LTF: variants seen among roughly 807,000 people sequenced by gnomAD.
LTF encodes the protein epididymis luminal protein 110.
In LTF, 91 loss-of-function variants were observed where a neutral mutation model predicts 87.2. The ratio of observed to expected loss-of-function variants is 1.04; its 90% CI spans 0.88 to 1.24. LTF has a LOEUF of 1.24. Ranked by LOEUF, LTF falls within the 50% of genes most tolerant of loss-of-function variation. LTF has a pLI of 0.00. For missense variants in LTF, 901 were observed against 904.3 expected (o/e 1.00, Z 0.05); for synonymous variants, 378 against 356.1 (o/e 1.06, Z -0.69).
intron 1 of LTF, among the ~76,000 whole-genome samples, chr3:46,477,914 G>C (rs1703381863): frequency 6.6e-6 from 1 of 152,152 alleles, no homozygotes; most frequent in South Asian, 2.1e-4. Context: ...CCAACAGAAG[G>C]TGTTAGCAAA....
intron 1 of LTF, among the ~76,000 whole-genome samples, chr3:46,482,889 GAAGAAAGAAA>G (rs1703470822): frequency 6.6e-6 from 1 of 151,970 alleles, no homozygotes; most frequent in South Asian, 2.1e-4. Context: ...AGAAAACAAA[GAAGAAAGAAA>G]AAGAAAGAAA....
chr3:46,467,403 G>T (rs915937248), upstream of LTF, among the ~76,000 whole-genome samples: 1 of 151,980 alleles, frequency 6.6e-6, no homozygotes, highest in Non-Finnish European at 1.5e-5. Context: ...GAGTGTGAGG[G>T]CCCAGAGGAG....
intron 1 of LTF, among the ~76,000 whole-genome samples, chr3:46,476,593 T>A (rs542735035): frequency 6.6e-6 from 1 of 152,328 alleles, no homozygotes; most frequent in African/African-American, 2.4e-5. Flanking sequence ...GCACAAATCA[T>A]ACATGTAGAG....
chr3:46,444,738 G>A (rs143846141), intron 12 of LTF, among the ~76,000 whole-genome samples: 23,721 of 152,212 alleles, frequency 0.16, 2,086 homozygotes, highest in African/African-American at 0.22. Context: ...CATGCCACGG[G>A]GCCCACAGCA....
chr3:46,467,648 T>C (rs1019126060), upstream of LTF, among the ~76,000 whole-genome samples: 4 of 145,072 alleles, frequency 2.8e-5, no homozygotes, highest in South Asian at 2.2e-4. Flanking sequence ...TCTTTTCTTT[T>C]TTTTTTTTTT....
chr3:46,436,392 G>A (rs891281225), intron 16 of LTF, among the ~76,000 whole-genome samples, 163 bp from the exon 17 acceptor site: 1 of 152,188 alleles, frequency 6.6e-6, no homozygotes, highest in Non-Finnish European at 1.5e-5. Flanking sequence ...TACTCCTAGC[G>A]ACTACGGTGT....
chr3:46,438,884 T>G (rs1001740413), intron 15 of LTF, among the ~76,000 whole-genome samples: 51 of 152,168 alleles, frequency 3.4e-4, no homozygotes, highest in Admixed American at 3.3e-3. Context: ...GTTTGCTGTT[T>G]TAGAGGCCTG....
chr3:46,478,178 A>G (rs372377672), intron 1 of LTF, among the ~76,000 whole-genome samples: 2 of 151,864 alleles, frequency 1.3e-5, no homozygotes, highest in Non-Finnish European at 2.9e-5. Context: ...CTCTCTCACC[A>G]TCATGCCCTC....
chr3:46,466,995 C>A (rs909361671), upstream of LTF, among the ~76,000 whole-genome samples: 1 of 152,114 alleles, frequency 6.6e-6, no homozygotes, highest in African/African-American at 2.4e-5. Context: ...GGGCCACTAC[C>A]AAGAGGCTCA....
At chr3:46,469,487 A>G (rs1191585578), upstream of LTF, 1 of 152,322 alleles carries the variant, frequency 6.6e-6, no homozygotes, top group East Asian at 1.9e-4. Flanking sequence ...CACCCTGTTC[A>G]TGGTCTCACA....
intron 6 of LTF, 23 bp from the exon 7 acceptor site, chr3:46,450,696 G>A (rs918875926): frequency 2.5e-6 from 4 of 1,599,620 alleles, no homozygotes; most frequent in Non-Finnish European, 3.4e-6. Flanking sequence ...TGAGGTGGGA[G>A]GGAGTCTAGA....
At chr3:46,482,759 G>GAA (rs1553668671) in intron 1 of LTF, among the ~76,000 whole-genome samples, 2 of 122,704 alleles carry the variant, frequency 1.6e-5, no homozygotes, top group Non-Finnish European at 3.5e-5. Context: ...AAGAAGGAAA[G>GAA]AGAAAGAAAG....
intron 5 of LTF, 55 bp downstream of exon 5, chr3:46,455,240 G>T (rs1000449134): frequency 1.2e-6 from 2 of 1,610,780 alleles, no homozygotes; most frequent in East Asian, 4.5e-5. Context: ...AAGGCCTCCC[G>T]GCCTGAGGCC....
Position 46,440,809 on chromosome 3 carries a change from G to A in LTF, c.1723+607C>T, listed in dbSNP as rs1702498147. ...GACTTGGGGGTTGGAATGCTGAAGTGGGGCTAAGGAGACAGATGCAGATTG... is the reference window on the plus strand; with the variant it reads ...GACTTGGGGGTTGGAATGCTGAAGTAGGGCTAAGGAGACAGATGCAGATTG... On this transcript the variant is annotated intron_variant, in intron 14 of 16. Coordinates refer to ENST00000231751, the MANE Select transcript of LTF (RefSeq NM_002343.6). Among the ~76,000 whole-genome samples the A allele has an allele frequency of 4.6e-5, 7 of 152,182 alleles. No individual in the cohort carries two copies. The South Asian group carries it at 1.4e-3, about 31-fold the overall frequency.
chr3:46,445,870 A>G (rs1404701407), intron 11 of LTF, among the ~76,000 whole-genome samples: 1 of 152,254 alleles, frequency 6.6e-6, no homozygotes, highest in Non-Finnish European at 1.5e-5. Flanking sequence ...ACAGGGGCAC[A>G]TGTCCCCAGG....
At position 46,439,310 on chromosome 3, in the gene LTF, A is replaced by G. The variant is rs9110; in HGVS notation, c.1894T>C (p.Leu632=). 0.33 allele frequency: 539,061 copies of G among 1,611,592 alleles called. 100,459 individuals are homozygous for G. Among genetic ancestry groups the G allele is most frequent in the East Asian group, 0.68 (30,623 of 44,848 alleles). ...MDKVERLKQV[L]LHQQAKFGRN... is the part of the protein sequence containing the mutation. ...GTGGTCCATACCTGTTGGTGGAGCAACACCTGTTTCAGGCGTTCCACCTTA... is the reference window on the plus strand; with the variant it reads ...GTGGTCCATACCTGTTGGTGGAGCAGCACCTGTTTCAGGCGTTCCACCTTA... The change falls in exon 15 of 17, where the codon TTG becomes CTG. Residue 632 remains leucine (L), a synonymous_variant. Coordinates refer to ENST00000231751, the MANE Select transcript of LTF (RefSeq NM_002343.6).
At chr3:46,468,893 T>C (rs761394470), upstream of LTF, among the ~76,000 whole-genome samples, 14 of 152,188 alleles carry the variant, frequency 9.2e-5, no homozygotes, top group Non-Finnish European at 1.8e-4. Context: ...TGCCATGGAA[T>C]TAGCAAATGC....
At chr3:46,458,989 C>T (rs1703010983) in intron 2 of LTF, among the ~76,000 whole-genome samples, 1 of 152,190 alleles carries the variant, frequency 6.6e-6, no homozygotes, top group Non-Finnish European at 1.5e-5. Flanking sequence ...TAAGATAATC[C>T]TATGAAGTTG....
At chr3:46,466,135 G>A (rs1703208461), upstream of LTF, among the ~76,000 whole-genome samples, 1 of 152,142 alleles carries the variant, frequency 6.6e-6, no homozygotes, top group Non-Finnish European at 1.5e-5. Flanking sequence ...AGCTACTTGG[G>A]AGGCTAAAGT....
Sources: allele counts gnomAD v4.1 joint callset (sites outside exome capture counted in the v4.1 genomes callset), GRCh38; gene constraint gnomAD v4.1.1; transcripts MANE v1.5; gene names NCBI Gene and HGNC (gene_info 2026-07-23, HGNC 2026-07-21).